The following TMCO6 variants were observed in gnomAD, a reference collection of about 807,000 sequenced individuals.
The protein encoded by TMCO6 is transmembrane and coiled-coil domains 6.
In TMCO6, 47 loss-of-function variants were observed where a neutral mutation model predicts 61.8. That is an observed-to-expected ratio of 0.76 (90% CI 0.60 to 0.97). The LOEUF is 0.97. Among genes scored for constraint, TMCO6 ranks in the 50% least tolerant of loss-of-function variants. The probability of loss-of-function intolerance (pLI) is 0.00; values close to 1 mark genes in which losing one functional copy is unlikely to be tolerated. For missense variants in TMCO6, 557 were observed against 601.6 expected (o/e 0.93, Z 0.78); for synonymous variants, 261 against 254.2 (o/e 1.03, Z -0.25).
At chr5:140,640,340 C>T (rs1474640341) in intron 2 of TMCO6, among the ~76,000 whole-genome samples, 1 of 152,082 alleles carries the variant, frequency 6.6e-6, no homozygotes, top group Non-Finnish European at 1.5e-5. Context: ...GTCTCAAGCC[C>T]TTGGCATTCG....
chr5:140,622,724 C>CAA, the TMCO6 span, among the ~76,000 whole-genome samples: 31 of 105,804 alleles, frequency 2.9e-4, no homozygotes, highest in South Asian at 2.0e-3. Flanking sequence ...GCTTTAGCTA[C>CAA]AAAAAAAAAA....
chr5:140,647,609 T>C (rs947633020), downstream of TMCO6: 1 of 1,604,856 alleles, frequency 6.2e-7, no homozygotes, highest in Non-Finnish European at 8.5e-7. Flanking sequence ...AGTCGCCAAT[T>C]CCAGGTCTTC....
chr5:140,598,273 A>G, the TMCO6 span, among the ~76,000 whole-genome samples: 1 of 151,108 alleles, frequency 6.6e-6, no homozygotes, highest in Non-Finnish European at 1.5e-5. Flanking sequence ...GTGGCATGAT[A>G]TCTCACTGCA....
At chr5:140,618,359 G>A in the TMCO6 span, among the ~76,000 whole-genome samples, 1 of 152,154 alleles carries the variant, frequency 6.6e-6, no homozygotes, top group African/African-American at 2.4e-5. Flanking sequence ...AACCTGGGAG[G>A]TGGAGGTTGT....
At chr5:140,632,315 G>T in the TMCO6 span, 2 of 1,613,922 alleles carry the variant, frequency 1.2e-6, no homozygotes, top group Non-Finnish European at 1.7e-6. This position sits in a 1 kb window ranked among gnomAD's most constrained non-coding sequence, Gnocchi z 6.2. Context: ...GATTCTGGAT[G>T]GCCGGGAACT....
chr5:140,597,809 A>G, the TMCO6 span, among the ~76,000 whole-genome samples: 5 of 152,296 alleles, frequency 3.3e-5, no homozygotes, highest in Admixed American at 3.3e-4. Flanking sequence ...GTCAACTCAA[A>G]TTTTGCCAGA....
chr5:140,617,992 G>A, the TMCO6 span, among the ~76,000 whole-genome samples: 1 of 152,098 alleles, frequency 6.6e-6, no homozygotes, highest in Non-Finnish European at 1.5e-5. Context: ...CAAAGTTGGA[G>A]GACTGACACT....
chr5:140,597,515 C>T, the TMCO6 span, among the ~76,000 whole-genome samples: 1 of 152,210 alleles, frequency 6.6e-6, no homozygotes, highest in Non-Finnish European at 1.5e-5. Context: ...TCATCCCTTG[C>T]TCTGGGTCTC....
intron 7 of TMCO6, 137 bp from the exon 8 acceptor site, chr5:140,643,427 C>A: frequency 2.5e-6 from 2 of 812,982 alleles, no homozygotes; most frequent in Admixed American, 3.8e-5. Flanking sequence ...AAACTCCTGA[C>A]CTCAGGTGAT....
In TMCO6 at chr5:140,645,139, T is replaced by C. The variant is rs1561960589; in HGVS notation, c.*41T>C. The C allele has an allele frequency of 6.3e-7, 1 of 1,590,062 alleles. No homozygotes were observed. Reference sequence around the variant, plus strand: ...TCACTCATTCCCCTCTCTCTTAACATCAAGCTTGTTTGTCCAGTAGAGCCT... The same window carrying C: ...TCACTCATTCCCCTCTCTCTTAACACCAAGCTTGTTTGTCCAGTAGAGCCT... On this transcript the variant is annotated 3_prime_UTR_variant, in exon 12 of 12. Coordinates refer to ENST00000394671, the MANE Select transcript of TMCO6 (RefSeq NM_018502.5).
the TMCO6 span, among the ~76,000 whole-genome samples, chr5:140,614,513 A>AAACAACAAC: frequency 6.5e-4 from 99 of 151,692 alleles, no homozygotes; most frequent in Non-Finnish European, 1.1e-3. Context: ...ACTCTGTTTT[A>AAACAACAAC]AACAACAACA....
At chr5:140,599,958 C>A in the TMCO6 span, among the ~76,000 whole-genome samples, 2 of 150,908 alleles carry the variant, frequency 1.3e-5, no homozygotes, top group South Asian at 2.1e-4. Context: ...TAAAATCTGG[C>A]AGCTCCTCAG....
upstream of TMCO6, among the ~76,000 whole-genome samples, chr5:140,637,472 A>G (rs1054763313): frequency 7.9e-5 from 12 of 152,150 alleles, 1 homozygote; most frequent in Admixed American, 5.2e-4. Context: ...ATTGTGGTGA[A>G]CATTCTGTAA....
At chr5:140,610,448 C>T in the TMCO6 span, among the ~76,000 whole-genome samples, 1 of 152,176 alleles carries the variant, frequency 6.6e-6, no homozygotes, top group Non-Finnish European at 1.5e-5. Flanking sequence ...CTTCTCCCGC[C>T]TCAGCCAACC....
upstream of TMCO6, chr5:140,639,230 G>A (rs545264997): frequency 2.8e-6 from 1 of 353,496 alleles, no homozygotes; most frequent in Admixed American, 4.6e-5. Context: ...TGGGTCACTC[G>A]AGGTCAGGGA....
At chr5:140,609,803 G>A in the TMCO6 span, among the ~76,000 whole-genome samples, 2,102 of 152,148 alleles carry the variant, frequency 0.014, 58 homozygotes, top group African/African-American at 0.048. Context: ...GTGTAAGTCT[G>A]CTCTTCTCTT....
chr5:140,624,329 A>C, the TMCO6 span, among the ~76,000 whole-genome samples: 1 of 151,846 alleles, frequency 6.6e-6, no homozygotes, highest in Non-Finnish European at 1.5e-5. Context: ...ACACCTTTGC[A>C]CTCCAGCCTG....
chr5:140,647,328 T>C, downstream of TMCO6: 1 of 1,603,332 alleles, frequency 6.2e-7, no homozygotes, highest in Non-Finnish European at 8.5e-7. Flanking sequence ...GGATTCGCCT[T>C]CTTCAGCTCC....
At position 140,641,806 on chromosome 5, in the gene TMCO6, G is replaced by A. The variant is rs1482177980; in HGVS notation, c.314+26G>A. ...GTCAGTGTGGATGGTGTGGTGGAGG[G>A]AGGAGTTGGGGCTCTGAGGGATGGA... On this transcript the variant is annotated intron_variant, in intron 3 of 11. Coordinates refer to ENST00000394671, the MANE Select transcript of TMCO6 (RefSeq NM_018502.5). The A allele has an allele frequency of 1.9e-6, 3 of 1,614,060 alleles. No homozygotes were observed. In the African/African-American group the frequency reaches 4.0e-5, roughly 22 times the overall value.
Sources: allele counts gnomAD v4.1 joint callset (sites outside exome capture counted in the v4.1 genomes callset), GRCh38; gene constraint gnomAD v4.1.1; non-coding constraint Gnocchi (gnomAD v3.1); transcripts MANE v1.5; gene names NCBI Gene and HGNC (gene_info 2026-07-23, HGNC 2026-07-21).